Variants in EXOSC10 observed in about 807,000 individuals in gnomAD.
EXOSC10 encodes exosome component 10.
A neutral mutation model predicts 126.6 loss-of-function variants in EXOSC10; 94 were observed. That is an observed-to-expected ratio of 0.74 (90% confidence interval 0.63 to 0.88). The LOEUF (loss-of-function observed/expected upper bound fraction) is 0.88, where lower values mean the gene tolerates loss of function less well. EXOSC10 is among the 40% of genes least tolerant of loss of function. EXOSC10 has a pLI of 0.00. For missense variants in EXOSC10, 1,041 were observed against 1,100.5 expected (o/e 0.95, Z 0.77); for synonymous variants, 395 against 400.8 (o/e 0.99, Z 0.17).
chr1:11,070,955 T>C lies in EXOSC10; in HGVS notation c.2261A>G (p.Lys754Arg). ...AEQTAAREQA[K>R]EACKAAAEQA... is the part of the protein sequence containing the mutation. Reference sequence around the variant, plus strand: ...TTCTGCTGCAGCTTTGCACGCCTCCTTTGCCTGTTCCCGGGCAGCTGCAAG... The same window carrying C: ...TTCTGCTGCAGCTTTGCACGCCTCCCTTGCCTGTTCCCGGGCAGCTGCAAG... The change falls in exon 21 of 25, where the codon AAG becomes AGG. Residue 754 changes from lysine (K) to arginine (R), a missense_variant. Around this residue, in one of 3 missense-constraint regions of EXOSC10, gnomAD observed 388 missense variants for 415.2 expected, o/e 0.93. Coordinates refer to ENST00000376936, the MANE Select transcript of EXOSC10 (RefSeq NM_001001998.3). 3 of 1,614,084 alleles carry C rather than the reference T, an allele frequency of 1.9e-6. No homozygotes were observed. Among genetic ancestry groups the C allele is most frequent in the Non-Finnish European group, 1.7e-6 (2 of 1,179,974 alleles).
chr1:11,077,414 G>A lies in EXOSC10; in HGVS notation c.1830C>T (p.His610=), dbSNP rs769712983. 57 of 1,613,944 alleles carry A rather than the reference G, an allele frequency of 3.5e-5. No homozygotes were observed. Among genetic ancestry groups the A allele is most frequent in the South Asian group, 9.9e-5 (9 of 91,086 alleles). Residue 610 remains histidine (H), a synonymous_variant, in exon 16 of 25, where the codon CAC becomes CAT. Coordinates refer to ENST00000376936, the MANE Select transcript of EXOSC10 (RefSeq NM_001001998.3). ...ERLENVLFGP[H]DCSHAPPDGY... ...CATCCGGAGGGGCATGGGAGCAGTCGTGAGGTCCAAAGAGAACATTCTCCA... is the reference window on the plus strand; with the variant it reads ...CATCCGGAGGGGCATGGGAGCAGTCATGAGGTCCAAAGAGAACATTCTCCA...
chr1:11,094,379 C>A (rs979662115), intron 3 of EXOSC10, among the ~76,000 whole-genome samples: 12 of 151,002 alleles, frequency 7.9e-5, no homozygotes, highest in Admixed American at 2.0e-4. Context: ...ACTGCAACCT[C>A]TGCCTCACGA....
At position 11,073,987 on chromosome 1, in the gene EXOSC10, G is replaced by C; in HGVS notation, c.2104C>G (p.Arg702Gly). 1 of 1,613,820 alleles carries C rather than the reference G, an allele frequency of 6.2e-7. No homozygotes were observed. ...TTCGCTGCCTGAGAGACGGGAGCAC[G>C]GTGTCCCAGTGAGGGCAGAAACTGG... ...FRMFLPSLGHRAPVSQAAKFD... is the reference protein window; with the variant it reads ...FRMFLPSLGHGAPVSQAAKFD... Residue 702 changes from arginine (R) to glycine (G), a missense_variant, in exon 19 of 25, where the codon CGT becomes GGT. Arg to Gly is a moderately radical substitution (Grantham distance 125). This residue lies in a region of EXOSC10 where 388 missense variants were observed against 415.2 expected (regional missense o/e 0.93). Transcript: ENST00000376936.
At chr1:11,093,621 G>A (rs1019669467) in intron 3 of EXOSC10, among the ~76,000 whole-genome samples, 1 of 152,166 alleles carries the variant, frequency 6.6e-6, no homozygotes, top group African/African-American at 2.4e-5. Flanking sequence ...ATAGAATTAG[G>A]CATAAATAGA....
rs757748706 is a variant in EXOSC10, at chr1:11,070,948, C to A, written c.2268G>T (p.Ala756=). The A allele has an allele frequency of 1.2e-6, 2 of 1,614,014 alleles. No homozygotes were observed. Among genetic ancestry groups the A allele is most frequent in the Admixed American group, 3.3e-5 (2 of 59,996 alleles). ...TGGCCTGTTCTGCTGCAGCTTTGCA[C>A]GCCTCCTTTGCCTGTTCCCGGGCAG... ...QTAAREQAKE[A]CKAAAEQAIS... Residue 756 remains alanine (A), a synonymous_variant, in exon 21 of 25, where the codon GCG becomes GCT. Transcript: ENST00000376936.
At position 11,081,103 on chromosome 1, in the gene EXOSC10, C is replaced by T. The variant is rs1322789980; in HGVS notation, c.1416G>A (p.Arg472=). 1 of 1,614,092 alleles carries T rather than the reference C, an allele frequency of 6.2e-7. No homozygotes were observed. Among genetic ancestry groups the T allele is most frequent in the African/African-American group, 1.3e-5 (1 of 74,938 alleles). Residue 472 remains arginine, a synonymous_variant, in exon 11 of 25, where the codon CGG becomes CGA. Coordinates refer to ENST00000376936, the MANE Select transcript of EXOSC10 (RefSeq NM_001001998.3). ...GTACCTTGAGGCAGATGTCCCTGCT[C>T]CGTTGCCACACCACCTGCAGCTGCA... ...QPVQLQVVWQ[R]SRDICLKKFI... is the part of the protein sequence containing the mutation.
intron 1 of EXOSC10, among the ~76,000 whole-genome samples, chr1:11,099,485 C>G (rs1016547727): frequency 6.6e-6 from 1 of 152,236 alleles, no homozygotes; most frequent in East Asian, 1.9e-4. Context: ...TGCGAGACGG[C>G]TTTCCACATT....
chr1:11,086,892 A>G (rs926337290), intron 9 of EXOSC10, among the ~76,000 whole-genome samples: 4 of 152,224 alleles, frequency 2.6e-5, no homozygotes, highest in Non-Finnish European at 4.4e-5. Flanking sequence ...TGACACCCTA[A>G]CATCACAATT....
chr1:11,082,822 A>G lies in EXOSC10; in HGVS notation c.1146T>C (p.Tyr382=). Residue 382 remains tyrosine (Y), a synonymous_variant, in exon 10 of 25, where the codon TAT becomes TAC. Transcript: ENST00000376936. ...GATGAGTATCAAACATGTTTACTAC[A>G]TACAACCCAAAGTCTTTCTGTAGCC... The part of the protein sequence containing the change: ...IEWLQKDFGL[Y]VVNMFDTHQA... 2 of 1,614,214 alleles carry G rather than the reference A, an allele frequency of 1.2e-6. No homozygotes were observed. Among genetic ancestry groups the G allele is most frequent in the Non-Finnish European group, 1.7e-6 (2 of 1,180,032 alleles).
intron 17 of EXOSC10, among the ~76,000 whole-genome samples, chr1:11,075,482 A>G (rs1262752412): frequency 2.0e-5 from 3 of 152,110 alleles, no homozygotes; most frequent in Admixed American, 6.6e-5. Context: ...TTTACACCAA[A>G]CAGCACTTCC....
chr1:11,082,464 T>C (rs1354010807), intron 10 of EXOSC10: 28 of 1,169,424 alleles, frequency 2.4e-5, no homozygotes, highest in Admixed American at 9.6e-5. Context: ...TCAACCACTA[T>C]TTCCATGGAA....
chr1:11,077,182 G>A lies in EXOSC10; in HGVS notation c.1879+183C>T, dbSNP rs1040367727. ...ATTTTTGTATTTTTAGTAGAGATGG[G>A]GTTTCACCATGTTGGCCAGGCTGGT... is the stretch of plus-strand genomic sequence containing the variant. On this transcript the variant is annotated intron_variant, in intron 16 of 24. Transcript: ENST00000376936. 23 of 649,692 alleles carry A rather than the reference G, an allele frequency of 3.5e-5. 1 individual carries two copies. The highest frequency in any genetic ancestry group is 5.5e-5 in the Non-Finnish European group (21 of 379,310). 40.2% of individuals were successfully genotyped at this position (649,692 alleles called of 1,614,324 possible).
chr1:11,090,622 G>GTGGGCGT lies in EXOSC10; in HGVS notation c.689_690insACGCCCA (p.Asp230GlufsTer12). ...CAGCCAGTGCAGGGGGGACGTCCAAGTCCTCAGGACGATCCTGTGGGCGTT... is the reference window on the plus strand; with the variant it reads ...CAGCCAGTGCAGGGGGGACGTCCAAGTGGGCGTTCCTCAGGACGATCCTGTGGGCGTT... On this transcript the variant is annotated frameshift_variant, in exon 6 of 25. Transcript: ENST00000376936. LOFTEE classifies it high-confidence loss of function. 6.2e-7 allele frequency: 1 copy of GTGGGCGT among 1,614,006 alleles called. No individual in the cohort carries two copies. Among genetic ancestry groups the GTGGGCGT allele is most frequent in the Admixed American group, 1.7e-5 (1 of 59,984 alleles).
chr1:11,096,626 GCAC>G (rs1194766726), intron 2 of EXOSC10, among the ~76,000 whole-genome samples: 6 of 151,198 alleles, frequency 4.0e-5, no homozygotes, highest in African/African-American at 9.7e-5. Context: ...TGGGAGTGGT[GCAC>G]CACCACTCCC....
chr1:11,092,425 G>A (rs1025846199), intron 3 of EXOSC10, among the ~76,000 whole-genome samples: 2 of 150,876 alleles, frequency 1.3e-5, no homozygotes, highest in African/African-American at 4.9e-5. Context: ...AGGTTGGCCA[G>A]GATGGTCTCG....
Position 11,087,559 on chromosome 1 carries a change from G to A in EXOSC10, c.978C>T (p.Thr326=). The A allele has an allele frequency of 3.7e-6, 6 of 1,614,110 alleles. No individual in the cohort carries two copies. The highest frequency in any genetic ancestry group is 5.1e-6 in the Non-Finnish European group (6 of 1,180,020). Residue 326 remains threonine, a synonymous_variant, in exon 9 of 25, where the codon ACC becomes ACT. Transcript: ENST00000376936. The stretch of plus-strand genomic sequence containing the variant: ...TCCGAGTAGAAATTTGCATCAGGCA[G>A]GTCAGTCCCAGGAAGCTCCTGTAAG... ...HHSYRSFLGL[T]CLMQISTRTE... is the part of the protein sequence containing the mutation.
intron 17 of EXOSC10, among the ~76,000 whole-genome samples, chr1:11,076,388 A>G (rs567682193): frequency 5.9e-5 from 9 of 152,032 alleles, no homozygotes; most frequent in African/African-American, 1.2e-4. Context: ...GAAAGCACAC[A>G]TATGTGGTGC....
In EXOSC10 at chr1:11,072,102, CCTT is replaced by C. The variant is rs767440290; in HGVS notation, c.2224_2226del (p.Lys742del). The stretch of plus-strand genomic sequence containing the variant: ...TGAGTGTTACCTGTTTGCTCAGCTG[CCTT>C]CTTCTTGACAGCTTCTTTAGAGTCT... On this transcript the variant is annotated inframe_deletion, in exon 20 of 25. Coordinates refer to ENST00000376936, the MANE Select transcript of EXOSC10 (RefSeq NM_001001998.3). 72 of 1,613,608 alleles carry C rather than the reference CCTT, an allele frequency of 4.5e-5. No homozygotes were observed. In the South Asian group the frequency reaches 5.7e-4, roughly 13 times the overall value.
intron 6 of EXOSC10, among the ~76,000 whole-genome samples, chr1:11,089,678 C>T (rs1266997598): frequency 6.6e-6 from 1 of 151,712 alleles, no homozygotes; most frequent in Non-Finnish European, 1.5e-5. Flanking sequence ...CCAGCTCTGG[C>T]CAGGCACAGT....
Sources: allele counts gnomAD v4.1 joint callset (sites outside exome capture counted in the v4.1 genomes callset), GRCh38; gene constraint gnomAD v4.1.1; regional missense constraint gnomAD v4.1.1; transcripts MANE v1.5; gene names NCBI Gene and HGNC (gene_info 2026-07-23, HGNC 2026-07-21).